TRIM67: variants seen among roughly 807,000 people sequenced by gnomAD.
TRIM67 encodes the protein tripartite motif containing 67.
A neutral mutation model predicts 71.0 loss-of-function variants in TRIM67; 39 were observed. That is an observed-to-expected ratio of 0.55 (90% confidence interval 0.43 to 0.72). The LOEUF is 0.72. Among genes scored for constraint, TRIM67 ranks in the 30% least tolerant of loss-of-function variants. The probability of loss-of-function intolerance (pLI) is 0.00; values close to 1 mark genes in which losing one functional copy is unlikely to be tolerated. For synonymous variants in TRIM67, 481 were observed against 473.9 expected (o/e 1.01, Z -0.19); for missense variants, 973 against 1,079.2 (o/e 0.90, Z 1.38).
At chr1:231,212,652 G>A (rs1038689348) in intron 8 of TRIM67, among the ~76,000 whole-genome samples, 1 of 151,988 alleles carries the variant, frequency 6.6e-6, no homozygotes, top group African/African-American at 2.4e-5. Flanking sequence ...GAGCCCAGGG[G>A]TTCCAGGCAA....
chr1:231,186,792 T>C (rs1036316273), intron 1 of TRIM67, among the ~76,000 whole-genome samples: 1 of 152,172 alleles, frequency 6.6e-6, no homozygotes, highest in Non-Finnish European at 1.5e-5. Flanking sequence ...TGGTCCAGGA[T>C]ACAGGCTTGC....
intron 1 of TRIM67, among the ~76,000 whole-genome samples, chr1:231,176,877 A>G (rs141788835): frequency 8.2e-6 from 1 of 122,306 alleles, no homozygotes; most frequent in Admixed American, 9.8e-5. Flanking sequence ...AATTTCAGTC[A>G]TTTTACCCTG....
At chr1:231,176,917 A>C (rs934154590) in intron 1 of TRIM67, among the ~76,000 whole-genome samples, 1 of 151,688 alleles carries the variant, frequency 6.6e-6, no homozygotes, top group Non-Finnish European at 1.5e-5. Flanking sequence ...AAAAAAAAAA[A>C]AAAAAACACC....
chr1:231,206,010 G>T (rs61315579), intron 6 of TRIM67, among the ~76,000 whole-genome samples: 3 of 152,316 alleles, frequency 2.0e-5, no homozygotes, highest in East Asian at 3.9e-4. Flanking sequence ...TCGCCGCCTC[G>T]CAGGCAGAGG....
At chr1:231,196,101 T>C (rs535099643) in intron 1 of TRIM67, among the ~76,000 whole-genome samples, 14 of 151,946 alleles carry the variant, frequency 9.2e-5, no homozygotes, top group Admixed American at 2.0e-4. Flanking sequence ...GTTTTCTAGG[T>C]TGGGTGGTGA....
intron 8 of TRIM67, among the ~76,000 whole-genome samples, chr1:231,210,037 C>T (rs1326122696): frequency 7.9e-5 from 12 of 152,198 alleles, no homozygotes; most frequent in Admixed American, 7.8e-4. Flanking sequence ...TGTACTCTTT[C>T]TCCTCTCCCA....
At chr1:231,193,503 G>GCTCGCTCTCTCTCT (rs1553325672) in intron 1 of TRIM67, among the ~76,000 whole-genome samples, 3 of 81,996 alleles carry the variant, frequency 3.7e-5, no homozygotes, top group East Asian at 7.1e-4. Context: ...TCTCTCTCAA[G>GCTCGCTCTCTCTCT]CTCTCTCTCT....
chr1:231,218,659 G>C lies in TRIM67; in HGVS notation c.*3219G>C, dbSNP rs541616517. ...GGACACCAGTAATACTGACCCACAA[G>C]GTAACTGACCTAAACACTATAAAAC... On this transcript the variant is annotated 3_prime_UTR_variant, in exon 10 of 10. Transcript: ENST00000366653. 2.0e-6 allele frequency: 2 copies of C among 985,412 alleles called. No homozygotes were observed. The highest frequency in any genetic ancestry group is 1.1e-4 in the East Asian group (1 of 8,806). 61.0% of individuals were successfully genotyped at this position (985,412 alleles called of 1,614,324 possible).
intron 1 of TRIM67, among the ~76,000 whole-genome samples, chr1:231,190,373 C>G (rs952026593): frequency 6.6e-6 from 1 of 152,178 alleles, no homozygotes; most frequent in Non-Finnish European, 1.5e-5. Flanking sequence ...CTTAGCGACA[C>G]AAACACAGGG....
Position 231,203,853 on chromosome 1 carries a change from T to C in TRIM67, c.1535-14T>C. Reference sequence around the variant, plus strand: ...AGGGCTTCCTGCGCTAACTCATGTGTGTCCCCCTCGCAGTGCCACCCGTCC... The same window carrying C: ...AGGGCTTCCTGCGCTAACTCATGTGCGTCCCCCTCGCAGTGCCACCCGTCC... On this transcript the variant is annotated splice_polypyrimidine_tract_variant and intron_variant, in intron 5 of 9. Transcript: ENST00000366653. 1 of 1,610,956 alleles carries C rather than the reference T, an allele frequency of 6.2e-7. No homozygotes were observed. The highest frequency in any genetic ancestry group is 8.5e-7 in the Non-Finnish European group (1 of 1,178,824).
At chr1:231,166,377 A>C (rs1682464757) in intron 1 of TRIM67, among the ~76,000 whole-genome samples, 2 of 152,256 alleles carry the variant, frequency 1.3e-5, no homozygotes, top group African/African-American at 4.8e-5. Context: ...AGAAATGATC[A>C]ATGGGAGAGC....
chr1:231,197,486 C>A lies in TRIM67; in HGVS notation c.1140+20C>A, dbSNP rs368412114. ...ATCCAGGTGAGCACAGCTCTGGCGT[C>A]GGGAGAAATACTCAGTGTTGAAAGT... On this transcript the variant is annotated intron_variant, in intron 2 of 9. Transcript: ENST00000366653. 8.7e-6 allele frequency: 14 copies of A among 1,607,140 alleles called. No homozygotes were observed. The South Asian group carries it at 1.2e-4, about 14-fold the overall frequency.
rs1239600004 is a variant in TRIM67, at chr1:231,162,901, C to T, written c.-69C>T. 4.5e-6 allele frequency: 7 copies of T among 1,552,942 alleles called. No individual in the cohort carries two copies. The East Asian group carries it at 1.2e-4, about 27-fold the overall frequency. ...CACCGGGGCGCACCGCGCTGGTCCT[C>T]CTCCGCCAGTCTCCCGAGCTCCGGC... On this transcript the variant is annotated 5_prime_UTR_variant, in exon 1 of 10. Coordinates refer to ENST00000366653, the MANE Select transcript of TRIM67 (RefSeq NM_001004342.5).
In TRIM67 at chr1:231,219,771, TC is replaced by T. The variant is rs1389965056; in HGVS notation, c.*4332del. 5.5e-5 allele frequency: 67 copies of T among 1,211,906 alleles called. No homozygotes were observed. The highest frequency in any genetic ancestry group is 7.0e-5 in the Non-Finnish European group (67 of 954,068). The allele number at this position is 1,211,906 out of a possible 1,614,324, so 75.1% of individuals were successfully genotyped here. On this transcript the variant is annotated 3_prime_UTR_variant, in exon 10 of 10. Coordinates refer to ENST00000366653, the MANE Select transcript of TRIM67 (RefSeq NM_001004342.5). Reference sequence around the variant, plus strand: ...TGATGCTGGAAAATTTCAGGACTTTTCTTTTGCAAGTGAGCCGGTAGCTGTG... The same window carrying T: ...TGATGCTGGAAAATTTCAGGACTTTTTTTTGCAAGTGAGCCGGTAGCTGTG...
intron 1 of TRIM67, among the ~76,000 whole-genome samples, chr1:231,178,025 C>T (rs1298310973): frequency 2.6e-5 from 4 of 152,088 alleles, no homozygotes; most frequent in Admixed American, 2.6e-4. Flanking sequence ...TTCCTGGGGA[C>T]AGTATGGAAA....
In TRIM67 at chr1:231,207,576, G is replaced by A. The variant is rs540848641; in HGVS notation, c.1819+786G>A. Reference sequence around the variant, plus strand: ...ACTGCCTCCAAGAAGAGGGCAAATCGTGCATTCATTGTTATCATTTAGTCC... The same window carrying A: ...ACTGCCTCCAAGAAGAGGGCAAATCATGCATTCATTGTTATCATTTAGTCC... On this transcript the variant is annotated intron_variant, in intron 7 of 9. Coordinates refer to ENST00000366653, the MANE Select transcript of TRIM67 (RefSeq NM_001004342.5). Among the ~76,000 whole-genome samples the A allele has an allele frequency of 8.7e-4, 133 of 152,318 alleles. 2 individuals are homozygous for A. The highest frequency in any genetic ancestry group is 1.2e-3 in the Non-Finnish European group (79 of 68,038).
At chr1:231,212,649 G>A (rs1485729951) in intron 8 of TRIM67, among the ~76,000 whole-genome samples, 1 of 151,994 alleles carries the variant, frequency 6.6e-6, no homozygotes, top group East Asian at 1.9e-4. Flanking sequence ...GTTGAGCCCA[G>A]GGGTTCCAGG....
intron 1 of TRIM67, among the ~76,000 whole-genome samples, chr1:231,190,558 C>T (rs1440362448): frequency 1.3e-5 from 2 of 152,180 alleles, no homozygotes; most frequent in African/African-American, 2.4e-5. Flanking sequence ...CGGCCCCCGG[C>T]GTAACATACC....
Position 231,218,329 on chromosome 1 carries a change from G to A in TRIM67, c.*2889G>A, listed in dbSNP as rs373617791. ...TGTTGGGCTGGCTGAGGAGTAACTT[G>A]GTGTAAATCTATCAAGCAGTTTCAG... On this transcript the variant is annotated 3_prime_UTR_variant, in exon 10 of 10. Coordinates refer to ENST00000366653, the MANE Select transcript of TRIM67 (RefSeq NM_001004342.5). 8.1e-6 allele frequency: 8 copies of A among 986,468 alleles called. No homozygotes were observed. The Middle Eastern group carries it at 1.6e-3, about 193-fold the overall frequency. The allele number at this position is 986,468 out of a possible 1,614,324, so 61.1% of individuals were successfully genotyped here.
Sources: allele counts gnomAD v4.1 joint callset (sites outside exome capture counted in the v4.1 genomes callset), GRCh38; gene constraint gnomAD v4.1.1; transcripts MANE v1.5; gene names NCBI Gene and HGNC (gene_info 2026-07-23, HGNC 2026-07-21).